PIP5K1A: variants seen among roughly 807,000 people sequenced by gnomAD.
PIP5K1A encodes the protein phosphatidylinositol 4-phosphate 5-kinase type-1 alpha.
PIP5K1A carries 46 observed loss-of-function variants against 72.9 expected under a neutral mutation model. That is an observed-to-expected ratio of 0.63 (90% confidence interval 0.50 to 0.81). The LOEUF is 0.81. Ranked by LOEUF, PIP5K1A falls within the 30% of genes least tolerant of loss-of-function variation. The probability of loss-of-function intolerance (pLI) is 0.00; values close to 1 mark genes in which losing one functional copy is unlikely to be tolerated. For synonymous variants in PIP5K1A, 228 were observed against 255.1 expected, an observed-to-expected ratio of 0.89 and a Z score of 1.01; for missense variants, 458 against 706.1, an observed-to-expected ratio of 0.65 and a Z score of 3.98.
intron 1 of PIP5K1A, chr1:151,223,910 G>C (rs1443185760): frequency 3.7e-6 from 1 of 268,350 alleles, no homozygotes; most frequent in Non-Finnish European, 7.1e-6. Context: ...ATCACTTGCA[G>C]TGAGCTGAGG....
intron 12 of PIP5K1A, among the ~76,000 whole-genome samples, chr1:151,241,420 C>A (rs998925061): frequency 1.3e-5 from 2 of 151,978 alleles, no homozygotes; most frequent in Non-Finnish European, 2.9e-5. Flanking sequence ...AGGAGAATGG[C>A]ATGAACCCGG....
At chr1:151,204,357 A>G (rs1685649582) in intron 1 of PIP5K1A, among the ~76,000 whole-genome samples, 1 of 151,854 alleles carries the variant, frequency 6.6e-6, no homozygotes, top group African/African-American at 2.4e-5. Flanking sequence ...TTGTATTTTT[A>G]GTAGAGACGG....
chr1:151,246,842 T>G, intron 14 of PIP5K1A, 78 bp from the exon 15 acceptor site: 397 of 1,014,076 alleles, frequency 3.9e-4, no homozygotes, highest in Middle Eastern at 6.6e-4. Flanking sequence ...AGAAGCAGTA[T>G]GAGATTTAAA....
intron 1 of PIP5K1A, among the ~76,000 whole-genome samples, chr1:151,211,959 A>G (rs997929784): frequency 5.9e-5 from 9 of 151,524 alleles, no homozygotes; most frequent in African/African-American, 1.7e-4. Flanking sequence ...AAATAAAAAA[A>G]AAATTAGCTG....
rs1208218999 is a variant in PIP5K1A, at chr1:151,232,305, T to C, written c.426T>C (p.Tyr142=). 2.5e-6 allele frequency: 4 copies of C among 1,614,066 alleles called. No homozygotes were observed. The highest frequency in any genetic ancestry group is 3.4e-6 in the Non-Finnish European group (4 of 1,180,010). The change falls in exon 6 of 16, where the codon TAT becomes TAC. Residue 142 remains tyrosine, a synonymous_variant. Coordinates refer to ENST00000368888, the MANE Select transcript of PIP5K1A (RefSeq NM_001135638.2). ...HHYNDFRFKT[Y]APVAFRYFRE... is the part of the protein sequence containing the mutation. Reference sequence around the variant, plus strand: ...ACAATGACTTTCGTTTCAAGACCTATGCACCTGTTGCCTTCCGCTACTTCC... The same window carrying C: ...ACAATGACTTTCGTTTCAAGACCTACGCACCTGTTGCCTTCCGCTACTTCC...
chr1:151,241,714 C>T (rs1400941743), intron 12 of PIP5K1A, among the ~76,000 whole-genome samples: 4 of 150,944 alleles, frequency 2.6e-5, no homozygotes, highest in Non-Finnish European at 5.9e-5. Flanking sequence ...GCATGGGAAT[C>T]ACTTGAACTC....
At chr1:151,238,459 C>T (rs1453143146) in intron 10 of PIP5K1A, 194 bp downstream of exon 10, 3 of 555,450 alleles carry the variant, frequency 5.4e-6, no homozygotes, top group Non-Finnish European at 9.8e-6. Context: ...TATAACCCTT[C>T]CTCCCCCATC....
upstream of PIP5K1A, among the ~76,000 whole-genome samples, chr1:151,196,242 A>G (rs587775719): frequency 2.6e-5 from 4 of 152,232 alleles, no homozygotes; most frequent in South Asian, 4.1e-4. Flanking sequence ...TAGCAATCCT[A>G]TGCCTTTTCG....
At chr1:151,197,453 G>A (rs1684664568), upstream of PIP5K1A, among the ~76,000 whole-genome samples, 2 of 151,506 alleles carry the variant, frequency 1.3e-5, no homozygotes, top group African/African-American at 4.9e-5. Context: ...CTAATTTTTT[G>A]TATTTTTAGT....
intron 1 of PIP5K1A, among the ~76,000 whole-genome samples, chr1:151,202,284 A>G (rs1685311760): frequency 6.6e-6 from 1 of 152,200 alleles, no homozygotes; most frequent in Non-Finnish European, 1.5e-5. Context: ...AGTGGAGTTC[A>G]GCTAAACAGC....
intron 1 of PIP5K1A, among the ~76,000 whole-genome samples, chr1:151,206,611 GC>G (rs1685967486): frequency 6.6e-6 from 1 of 152,102 alleles, no homozygotes; most frequent in South Asian, 2.1e-4. Flanking sequence ...TTTTGCCCAG[GC>G]TGGAGTGCAG....
chr1:151,237,311 A>G (rs896293308), intron 9 of PIP5K1A, among the ~76,000 whole-genome samples: 1 of 152,250 alleles, frequency 6.6e-6, no homozygotes, highest in South Asian at 2.1e-4. Context: ...AGAGCTGTTC[A>G]AGAGTTAAAG....
chr1:151,237,323 C>CT (rs1691033995), intron 9 of PIP5K1A, among the ~76,000 whole-genome samples: 1 of 152,138 alleles, frequency 6.6e-6, no homozygotes, highest in African/African-American at 2.4e-5. Flanking sequence ...GAGTTAAAGA[C>CT]TTAAAAAATT....
At chr1:151,215,998 G>C (rs897149417) in intron 1 of PIP5K1A, 2 of 1,296,910 alleles carry the variant, frequency 1.5e-6, no homozygotes, top group African/African-American at 3.0e-5. Flanking sequence ...AGTGGTAAGA[G>C]AGGTAGATCT....
rs182755014 is a variant in PIP5K1A, at chr1:151,226,118, T to C, written c.157-1202T>C. On this transcript the variant is annotated intron_variant, in intron 3 of 15. Coordinates refer to ENST00000368888, the MANE Select transcript of PIP5K1A (RefSeq NM_001135638.2). ...TTTTTTTTTTTTTGAGACAGAGTCT[T>C]GCTCTGTCACCCAGGCTGGAGTGCA... Among the ~76,000 whole-genome samples the C allele has an allele frequency of 4.7e-3, 655 of 139,402 alleles. 6 individuals are homozygous for C. Among genetic ancestry groups the C allele is most frequent in the African/African-American group, 0.016 (618 of 37,604 alleles). The allele number at this position is 139,402 out of a possible 152,430, so 91.5% of individuals were successfully genotyped here.
Position 151,242,170 on chromosome 1 carries a change from C to T in PIP5K1A, c.1411C>T (p.Arg471Trp), listed in dbSNP as rs1360030623. Residue 471 changes from arginine (R) to tryptophan (W), a missense_variant, in exon 13 of 16, where the codon CGG becomes TGG. Physicochemically the swap from Arg to Trp is moderately radical, Grantham distance 101 (BLOSUM62 -3). Around this residue, in one of 3 missense-constraint regions of PIP5K1A, gnomAD observed 157 missense variants for 175.5 expected, o/e 0.89. Transcript: ENST00000368888. ...KKFRSGSSFS[R>W]RAGSSGNSCI... Reference sequence around the variant, plus strand: ...GTTTCGGTCTGGCTCATCTTTCTCTCGGCGAGCAGGCTCCAGTGGCAACTC... The same window carrying T: ...GTTTCGGTCTGGCTCATCTTTCTCTTGGCGAGCAGGCTCCAGTGGCAACTC... 3.1e-6 allele frequency: 5 copies of T among 1,614,004 alleles called. No homozygotes were observed. Among genetic ancestry groups the T allele is most frequent in the Non-Finnish European group, 4.2e-6 (5 of 1,179,992 alleles).
intron 12 of PIP5K1A, 58 bp downstream of exon 12, chr1:151,240,097 G>A (rs1691479422): frequency 6.5e-6 from 8 of 1,228,164 alleles, no homozygotes; most frequent in Non-Finnish European, 8.4e-6. Flanking sequence ...CTTACCCCAA[G>A]AGAACAGAGG....
chr1:151,239,383 C>T (rs1279298878), intron 11 of PIP5K1A, among the ~76,000 whole-genome samples: 1 of 151,512 alleles, frequency 6.6e-6, no homozygotes, highest in Non-Finnish European at 1.5e-5. Flanking sequence ...AGTGATTCTC[C>T]TGCCTCAGCT....
intron 12 of PIP5K1A, 95 bp from the exon 13 acceptor site, chr1:151,242,028 G>T (rs968254165): frequency 5.5e-5 from 69 of 1,253,768 alleles, no homozygotes; most frequent in Non-Finnish European, 7.7e-5. Context: ...CCAACTTTGG[G>T]TGTGTGTTGG....
Sources: allele counts gnomAD v4.1 joint callset (sites outside exome capture counted in the v4.1 genomes callset), GRCh38; gene constraint gnomAD v4.1.1; regional missense constraint gnomAD v4.1.1; transcripts MANE v1.5; gene names NCBI Gene and HGNC (gene_info 2026-07-23, HGNC 2026-07-21).